NPHP1: variants seen among roughly 807,000 people sequenced by gnomAD.
NPHP1 encodes nephrocystin 1.
NPHP1 carries 70 observed loss-of-function variants against 90.4 expected under a neutral mutation model. The observed-to-expected ratio is 0.77, with a 90% CI of 0.64 to 0.95. NPHP1 has a LOEUF of 0.95. NPHP1 is among the 40% of genes least tolerant of loss of function. The probability of loss-of-function intolerance (pLI) is 0.00; values close to 1 mark genes in which losing one functional copy is unlikely to be tolerated. For synonymous variants in NPHP1, 256 were observed against 271.7 expected (o/e 0.94, Z 0.57); for missense variants, 764 against 795.9 (o/e 0.96, Z 0.48).
chr2:110,130,025 A>G (rs1396399188), intron 17 of NPHP1, among the ~76,000 whole-genome samples: 1 of 152,182 alleles, frequency 6.6e-6, no homozygotes, highest in Non-Finnish European at 1.5e-5. Context: ...CCTTCTTACA[A>G]CATCCTCCAG....
chr2:110,186,299 T>TTGGAGA (rs1383269070), intron 2 of NPHP1, among the ~76,000 whole-genome samples: 1 of 152,168 alleles, frequency 6.6e-6, no homozygotes, highest in African/African-American at 2.4e-5. Flanking sequence ...GGAAGGGGTG[T>TTGGAGA]TGGAGAGCCA....
intron 4 of NPHP1, among the ~76,000 whole-genome samples, chr2:110,175,743 C>G (rs1486234803): frequency 6.6e-6 from 1 of 151,962 alleles, no homozygotes; most frequent in Non-Finnish European, 1.5e-5. Flanking sequence ...TGATATCTCT[C>G]TTAGATCATA....
At chr2:110,191,112 G>C (rs1465321637) in intron 2 of NPHP1, among the ~76,000 whole-genome samples, 6 of 152,134 alleles carry the variant, frequency 3.9e-5, no homozygotes, top group Non-Finnish European at 8.8e-5. Flanking sequence ...AATGATTTCT[G>C]CATTTCCAAC....
intron 2 of NPHP1, chr2:110,184,182 A>G (rs1021762382): frequency 1.8e-6 from 1 of 563,392 alleles, no homozygotes; most frequent in Non-Finnish European, 3.5e-6. Context: ...GGGCCTACCC[A>G]TGCATATTCG....
intron 2 of NPHP1, among the ~76,000 whole-genome samples, chr2:110,181,620 A>G (rs1330043580): frequency 6.6e-6 from 1 of 152,162 alleles, no homozygotes; most frequent in Non-Finnish European, 1.5e-5. Context: ...AACTCAACAA[A>G]AATCCTATTT....
intron 11 of NPHP1, among the ~76,000 whole-genome samples, chr2:110,152,418 T>C (rs948383236): frequency 1.3e-5 from 2 of 151,468 alleles, no homozygotes; most frequent in African/African-American, 2.4e-5. Flanking sequence ...AAAAGTAAGA[T>C]AAATATGTCA....
chr2:110,150,127 T>G, intron 12 of NPHP1, 55 bp downstream of exon 12: 1 of 1,240,750 alleles, frequency 8.1e-7, no homozygotes, highest in Non-Finnish European at 1.2e-6. Flanking sequence ...TATAGAAATA[T>G]GAATATGTTC....
At chr2:110,137,287 C>T (rs1186350760) in intron 16 of NPHP1, among the ~76,000 whole-genome samples, 2 of 152,072 alleles carry the variant, frequency 1.3e-5, no homozygotes, top group Non-Finnish European at 2.9e-5. Flanking sequence ...GTCTAAAACA[C>T]CAAAAGCAAT....
In NPHP1 at chr2:110,204,894, C is replaced by T; in HGVS notation, c.69+6G>A. 6.2e-7 allele frequency: 1 copy of T among 1,613,828 alleles called. No homozygotes were observed. Among genetic ancestry groups the T allele is most frequent in the Non-Finnish European group, 8.5e-7 (1 of 1,179,840 alleles). ...CCCCAGGGCCCTCTGCACAGCCTGA[C>T]CATACCTGTTGCTTCAGCTCCTGAT... is the stretch of plus-strand genomic sequence containing the variant. On this transcript the variant is annotated splice_donor_region_variant and intron_variant, in intron 1 of 19. Coordinates refer to ENST00000445609, the MANE Select transcript of NPHP1 (RefSeq NM_001128178.3).
At chr2:110,153,889 A>G (rs977621888) in intron 11 of NPHP1, among the ~76,000 whole-genome samples, 1 of 152,034 alleles carries the variant, frequency 6.6e-6, no homozygotes, top group Non-Finnish European at 1.5e-5. Flanking sequence ...AGGGTGAGGC[A>G]GGAGAAGTGC....
chr2:110,203,272 A>C (rs912877240), intron 1 of NPHP1, among the ~76,000 whole-genome samples: 4 of 151,876 alleles, frequency 2.6e-5, no homozygotes, highest in African/African-American at 9.7e-5. Context: ...TGGGGGAGGG[A>C]AGAGGAATGA....
chr2:110,159,995 A>T (rs1682188583), intron 11 of NPHP1, 132 bp downstream of exon 11: 1 of 861,782 alleles, frequency 1.2e-6, no homozygotes, highest in African/African-American at 1.7e-5. Flanking sequence ...TCAAAGAGTC[A>T]TTCAAATTTT....
intron 1 of NPHP1, chr2:110,202,535 C>A: frequency 2.4e-6 from 1 of 413,724 alleles, no homozygotes; most frequent in Non-Finnish European, 5.0e-6. Context: ...TCCAGATAGT[C>A]AAGGTATCAA....
Position 110,150,722 on chromosome 2 carries a change from G to T in NPHP1, c.1084-466C>A, listed in dbSNP as rs369312777. Among the ~76,000 whole-genome samples, 5 of 151,774 alleles carry T rather than the reference G, an allele frequency of 3.3e-5. No homozygotes were observed. The South Asian group carries it at 8.4e-4, about 25-fold the overall frequency. ...CTGTCACCACGCCCAGCTAATTTTTGTATTTTTAGTAGAGACGGGGTTTCA... is the reference window on the plus strand; with the variant it reads ...CTGTCACCACGCCCAGCTAATTTTTTTATTTTTAGTAGAGACGGGGTTTCA... On this transcript the variant is annotated intron_variant, in intron 11 of 19. Transcript: ENST00000445609.
At chr2:110,132,600 GC>G (rs1679873402) in intron 16 of NPHP1, among the ~76,000 whole-genome samples, 1 of 152,116 alleles carries the variant, frequency 6.6e-6, no homozygotes, top group South Asian at 2.1e-4. Flanking sequence ...GTTGCCATGA[GC>G]CAAGATTGTG....
At chr2:110,180,223 C>T (rs965119399) in intron 2 of NPHP1, among the ~76,000 whole-genome samples, 2 of 152,000 alleles carry the variant, frequency 1.3e-5, no homozygotes, top group Admixed American at 6.6e-5. Context: ...CCACAGTTGG[C>T]CTATTCCCAC....
intron 1 of NPHP1, chr2:110,202,403 A>G (rs1685630852): frequency 2.2e-6 from 1 of 453,902 alleles, no homozygotes; most frequent in African/African-American, 2.0e-5. Flanking sequence ...CACAGGCCTG[A>G]CTCAGAGGGG....
chr2:110,163,059 A>G lies in NPHP1; in HGVS notation c.848T>C (p.Leu283Pro). The change falls in exon 9 of 20, where the codon CTT becomes CCT. Residue 283 changes from leucine (L) to proline (P), a missense_variant. By Grantham distance (98) the Leu-to-Pro change is moderately conservative. Coordinates refer to ENST00000445609, the MANE Select transcript of NPHP1 (RefSeq NM_001128178.3). ...TAGGCACGCATTACCTTCCTCCAGA[A>G]GCTGTGAGAGCGTGGAAGGCCTGAA... Reference protein sequence around the residue: ...AGFRPSTLSQLLEEGNQFRAN... With the variant: ...AGFRPSTLSQPLEEGNQFRAN... 1 of 1,612,190 alleles carries G rather than the reference A, an allele frequency of 6.2e-7. No homozygotes were observed. The highest frequency in any genetic ancestry group is 8.5e-7 in the Non-Finnish European group (1 of 1,178,224).
In NPHP1 at chr2:110,173,736, T is replaced by C; in HGVS notation, c.330-3738A>G. 1.3e-5 allele frequency among the ~76,000 whole-genome samples: 2 copies of C among 152,146 alleles called. 1 individual carries two copies. Among genetic ancestry groups the C allele is most frequent in the Non-Finnish European group, 2.9e-5 (2 of 68,014 alleles). ...TTGTGCAAGTACATTCTATGATGTT[T>C]GTACAATGATGAAATCACTTAATGA... On this transcript the variant is annotated intron_variant, in intron 4 of 19. Coordinates refer to ENST00000445609, the MANE Select transcript of NPHP1 (RefSeq NM_001128178.3).
Sources: gnomAD v4.1 joint callset for allele counts (sites outside exome capture counted in the v4.1 genomes callset) on GRCh38, gnomAD v4.1.1 for gene constraint, MANE v1.5 for transcripts, NCBI Gene and HGNC (gene_info 2026-07-23, HGNC 2026-07-21) for gene names.